Variants in ADAT1 observed in about 807,000 individuals in gnomAD.
The protein encoded by ADAT1 is tRNA-specific adenosine deaminase 1.
A neutral mutation model predicts 58.6 loss-of-function variants in ADAT1; 58 were observed. The ratio of observed to expected loss-of-function variants is 0.99; its 90% CI spans 0.80 to 1.23. The LOEUF is 1.23. Ranked by LOEUF, ADAT1 falls within the 50% of genes most tolerant of loss-of-function variation. ADAT1 has a pLI of 0.00. For missense variants in ADAT1, 741 were observed against 608.6 expected (o/e 1.22, Z -2.29); for synonymous variants, 254 against 220.8 (o/e 1.15, Z -1.33).
rs1042836283 is a variant in ADAT1, at chr16:75,597,692, T to G, written c.*2524A>C. 3.9e-5 allele frequency among the ~76,000 whole-genome samples: 6 copies of G among 152,288 alleles called. No individual in the cohort carries two copies. Among genetic ancestry groups the G allele is most frequent in the African/African-American group, 1.4e-4 (6 of 41,558 alleles). ...AGCTTGTTTTCCTGCAACTAGACAG[T>G]CCCATATGGGGGTTATGGAAGACAC... On this transcript the variant is annotated 3_prime_UTR_variant, in exon 10 of 10. Transcript: ENST00000564657.
intron 5 of ADAT1, among the ~76,000 whole-genome samples, chr16:75,613,414 G>A (rs2081610935): frequency 6.6e-6 from 1 of 152,126 alleles, no homozygotes; most frequent in African/African-American, 2.4e-5. Flanking sequence ...TCATTCTCCT[G>A]CTTCAGCCTC....
intron 9 of ADAT1, among the ~76,000 whole-genome samples, chr16:75,601,062 C>A (rs2081216959): frequency 6.6e-6 from 1 of 152,160 alleles, no homozygotes; most frequent in African/African-American, 2.4e-5. Context: ...TTTTCTAGGC[C>A]AGGCATGGTG....
intron 6 of ADAT1, among the ~76,000 whole-genome samples, chr16:75,609,849 A>G (rs892264279): frequency 6.6e-6 from 1 of 152,038 alleles, no homozygotes; most frequent in Admixed American, 6.6e-5. Context: ...GACTACAGGC[A>G]TGCACCATCA....
In ADAT1 at chr16:75,598,518, ATT is replaced by A. The variant is rs567204868; in HGVS notation, c.*1696_*1697del. 2.9e-4 allele frequency among the ~76,000 whole-genome samples: 40 copies of A among 139,098 alleles called. No individual in the cohort carries two copies. Among genetic ancestry groups the A allele is most frequent in the African/African-American group, 4.5e-4 (17 of 37,980 alleles). 91.3% of individuals were successfully genotyped at this position (139,098 alleles called of 152,430 possible). A position where few individuals can be genotyped will look rare whatever the true frequency, so the allele number is the denominator to read the frequency against. ...ACAACTCTGTGGATATACTAAAAAA[ATT>A]TTTTTTTTTTTTTTTTGAGACAGGA... On this transcript the variant is annotated 3_prime_UTR_variant, in exon 10 of 10. Coordinates refer to ENST00000564657, the MANE Select transcript of ADAT1 (RefSeq NM_001324445.2).
At chr16:75,615,475 T>A (rs1189442245) in intron 5 of ADAT1, among the ~76,000 whole-genome samples, 1 of 46,704 alleles carries the variant, frequency 2.1e-5, no homozygotes, top group Non-Finnish European at 4.1e-5. Flanking sequence ...CGATAGTTGA[T>A]GAGCTAAAAA....
At chr16:75,616,412 ATG>A (rs1210907174) in intron 5 of ADAT1, among the ~76,000 whole-genome samples, 1 of 152,218 alleles carries the variant, frequency 6.6e-6, no homozygotes, top group Non-Finnish European at 1.5e-5. Context: ...CTCTAATTGC[ATG>A]TGTTAGCTTT....
chr16:75,597,230 C>T lies in ADAT1; in HGVS notation c.*2986G>A, dbSNP rs2081091129. ...AAATCAGACTGGATTAGGGCAGGCC[C>T]TAAATCCAATTACTGGGGTCCTTAT... On this transcript the variant is annotated 3_prime_UTR_variant, in exon 10 of 10. Coordinates refer to ENST00000564657, the MANE Select transcript of ADAT1 (RefSeq NM_001324445.2). 3.1e-6 allele frequency: 1 copy of T among 326,392 alleles called. No homozygotes were observed. The highest frequency in any genetic ancestry group is 2.2e-5 in the African/African-American group (1 of 45,974). 20.2% of individuals were successfully genotyped at this position (326,392 alleles called of 1,614,324 possible).
chr16:75,608,132 T>G (rs1597105741), intron 8 of ADAT1, 92 bp downstream of exon 8: 4 of 1,119,366 alleles, frequency 3.6e-6, no homozygotes, highest in Middle Eastern at 2.0e-4. Flanking sequence ...GGTATGGTTG[T>G]TCTTTTTGGG....
chr16:75,600,487 G>T, intron 9 of ADAT1, 139 bp from the exon 10 acceptor site: 1 of 1,381,228 alleles, frequency 7.2e-7, no homozygotes, highest in Non-Finnish European at 9.7e-7. Flanking sequence ...TTTTGTGAAA[G>T]TTGATCATAC....
chr16:75,604,456 A>AAAAAAAATATAT (rs1555508674), intron 8 of ADAT1, among the ~76,000 whole-genome samples: 5 of 48,782 alleles, frequency 1.0e-4, no homozygotes, highest in African/African-American at 5.6e-4. Context: ...AAAAAAAAAA[A>AAAAAAAATATAT]ATATATATAT....
chr16:75,609,623 G>A (rs1214499964), intron 6 of ADAT1, among the ~76,000 whole-genome samples: 3 of 152,110 alleles, frequency 2.0e-5, no homozygotes, highest in Non-Finnish European at 4.4e-5. Flanking sequence ...CAACTATCAT[G>A]GTAATGTAAT....
intron 5 of ADAT1, among the ~76,000 whole-genome samples, chr16:75,615,204 T>C (rs1230247607): frequency 5.3e-5 from 8 of 150,268 alleles, no homozygotes; most frequent in Non-Finnish European, 8.9e-5. Flanking sequence ...AAAAATTCAA[T>C]CGCCATCACT....
intron 9 of ADAT1, chr16:75,602,140 T>C (rs1244218675): frequency 1.3e-5 from 2 of 152,022 alleles, no homozygotes; most frequent in Non-Finnish European, 2.9e-5. Flanking sequence ...ACACGTGATA[T>C]CAGTTTGAAC....
chr16:75,598,409 T>A lies in ADAT1; in HGVS notation c.*1807A>T, dbSNP rs1264970130. On this transcript the variant is annotated 3_prime_UTR_variant, in exon 10 of 10. Coordinates refer to ENST00000564657, the MANE Select transcript of ADAT1 (RefSeq NM_001324445.2). ...TTCTGTTGTCTTAAGCCACCCAGCT[T>A]GTGGTACTTCGTTAAGAAACAGCTC... The A allele has an allele frequency of 6.1e-6, 1 of 163,914 alleles. No individual in the cohort carries two copies. Among genetic ancestry groups the A allele is most frequent in the African/African-American group, 2.4e-5 (1 of 41,536 alleles). The allele number at this position is 163,914 out of a possible 1,614,324, so 10.2% of individuals were successfully genotyped here. A position where few individuals can be genotyped will look rare whatever the true frequency, so the allele number is the denominator to read the frequency against.
In ADAT1 at chr16:75,612,345, G is replaced by C. The variant is rs2081564246; in HGVS notation, c.941C>G (p.Ala314Gly). The C allele has an allele frequency of 3.1e-6, 5 of 1,614,044 alleles. No individual in the cohort carries two copies. The highest frequency in any genetic ancestry group is 4.2e-6 in the Non-Finnish European group (5 of 1,180,046). ...ARWNVLGCQG[A>G]LLMHLLEEPI... ...CTCTTCCAGCAAGTGCATCAACAGT[G>C]CCCCTTGGCATCCGAGGACGTTCCA... The change falls in exon 6 of 10, where the codon GCA becomes GGA. Residue 314 changes from alanine (A) to glycine (G), a missense_variant. Coordinates refer to ENST00000564657, the MANE Select transcript of ADAT1 (RefSeq NM_001324445.2).
At chr16:75,606,833 T>C (rs2081383705) in intron 8 of ADAT1, among the ~76,000 whole-genome samples, 1 of 152,182 alleles carries the variant, frequency 6.6e-6, no homozygotes, top group South Asian at 2.1e-4. Context: ...CTAACATACA[T>C]TTAAGGAATA....
chr16:75,606,030 T>G, intron 8 of ADAT1, among the ~76,000 whole-genome samples: 1 of 134,572 alleles, frequency 7.4e-6, no homozygotes, highest in African/African-American at 2.7e-5. Context: ...TTGTTGTTGC[T>G]GTTGTTTGTT....
Position 75,608,847 on chromosome 16 carries a change from C to T in ADAT1, c.1185G>A (p.Gly395=), listed in dbSNP as rs756468273. Residue 395 remains glycine, a synonymous_variant, in exon 7 of 10, where the codon GGG becomes GGA. Coordinates refer to ENST00000564657, the MANE Select transcript of ADAT1 (RefSeq NM_001324445.2). Reference sequence around the variant, plus strand: ...GGTCTAACCTGGATCTCTTACCTGCCCCACAAGGAACAAGTCGACCTGGGC... The same window carrying T: ...GGTCTAACCTGGATCTCTTACCTGCTCCACAAGGAACAAGTCGACCTGGGC... The part of the protein sequence containing the change: ...ADSPGRLVPC[G]AAISWSAVPE... The T allele has an allele frequency of 1.4e-5, 23 of 1,613,184 alleles. No individual in the cohort carries two copies. The highest frequency in any genetic ancestry group is 1.7e-5 in the Non-Finnish European group (20 of 1,179,790).
rs372139653 is a variant in ADAT1, at chr16:75,597,537, A to T, written c.*2679T>A. ...TTTTCCACAGATCCGGGGTGGGGAT[A>T]GGGGGATAGTTTCGGGATGACTGAA... On this transcript the variant is annotated 3_prime_UTR_variant, in exon 10 of 10. Transcript: ENST00000564657. 4.3e-4 allele frequency: 146 copies of T among 335,650 alleles called. No individual in the cohort carries two copies. Among genetic ancestry groups the T allele is most frequent in the African/African-American group, 2.8e-3 (130 of 46,608 alleles). The allele number at this position is 335,650 out of a possible 1,614,324, so 20.8% of individuals were successfully genotyped here.
Sources: gnomAD v4.1 joint callset for allele counts (sites outside exome capture counted in the v4.1 genomes callset) on GRCh38, gnomAD v4.1.1 for gene constraint, MANE v1.5 for transcripts, NCBI Gene and HGNC (gene_info 2026-07-23, HGNC 2026-07-21) for gene names.